The following GCNT3 variants were observed in gnomAD, a reference collection of about 807,000 sequenced individuals.
GCNT3 encodes the protein glucosaminyl (N-acetyl) transferase 3, mucin type, also known as beta-1,3-galactosyl-O-glycosyl-glycoprotein beta-1,6-N-acetylglucosaminyltransferase 3.
For synonymous variants in GCNT3, 269 were observed against 195.2 expected (o/e 1.38, Z -3.15); for missense variants, 708 against 530.3 (o/e 1.34, Z -3.29).
chr15:59,617,900 C>T (rs1227076189), intron 2 of GCNT3: 2 of 182,972 alleles, frequency 1.1e-5, no homozygotes, highest in East Asian at 1.5e-4. Flanking sequence ...TGGGTGGGGA[C>T]GTGCTCTTAC....
At position 59,619,300 on chromosome 15, in the gene GCNT3, C is replaced by G. The variant is rs1453121402; in HGVS notation, c.1062C>G (p.Ile354Met). 1.2e-6 allele frequency: 2 copies of G among 1,614,014 alleles called. No homozygotes were observed. The highest frequency in any genetic ancestry group is 1.3e-5 in the African/African-American group (1 of 74,914). Residue 354 changes from isoleucine (I) to methionine (M), a missense_variant, in exon 3 of 3, where the codon ATC becomes ATG. By Grantham distance (10) the Ile-to-Met change is conservative. Coordinates refer to ENST00000396065, the MANE Select transcript of GCNT3 (RefSeq NM_004751.3). ...GSVPNHPKYDISDMTSIARLV... is the reference protein window; with the variant it reads ...GSVPNHPKYDMSDMTSIARLV... ...TTCCCAACCACCCCAAGTACGACAT[C>G]TCAGACATGACTTCTATTGCCAGGC... is the stretch of plus-strand genomic sequence containing the variant.
chr15:59,615,403 A>T (rs922308677), intron 1 of GCNT3, among the ~76,000 whole-genome samples: 11 of 152,148 alleles, frequency 7.2e-5, no homozygotes, highest in Admixed American at 4.6e-4. Flanking sequence ...CTTCAGAGCC[A>T]TGAGTTTCAG....
intron 1 of GCNT3, among the ~76,000 whole-genome samples, chr15:59,613,536 A>G (rs1387563623): frequency 4.3e-4 from 2 of 4,652 alleles, no homozygotes; most frequent in South Asian, 0.013. Context: ...CATCTCTACA[A>G]TAAATAAATA....
rs760656887 is a variant in GCNT3, at chr15:59,618,427, A to C, written c.189A>C (p.Pro63=). The change falls in exon 3 of 3, where the codon CCA becomes CCC. Residue 63 remains proline, a synonymous_variant. Coordinates refer to ENST00000396065, the MANE Select transcript of GCNT3 (RefSeq NM_004751.3). ...RNILYNFLKL[P]AKRSINCSGV... ...TCTTGTATAATTTCCTGAAACTTCC[A>C]GCAAAGAGGTCTATCAACTGTTCAG... 1.2e-6 allele frequency: 2 copies of C among 1,614,126 alleles called. No individual in the cohort carries two copies. The highest frequency in any genetic ancestry group is 3.3e-5 in the Admixed American group (2 of 60,020).
rs192166254 is a variant in GCNT3, at chr15:59,619,852, A to G, written c.*297A>G. The G allele has an allele frequency of 1.0e-4, 25 of 244,710 alleles. No individual in the cohort carries two copies. The highest frequency in any genetic ancestry group is 5.6e-4 in the African/African-American group (25 of 44,434). 15.2% of individuals were successfully genotyped at this position (244,710 alleles called of 1,614,324 possible). On this transcript the variant is annotated 3_prime_UTR_variant, in exon 3 of 3. Coordinates refer to ENST00000396065, the MANE Select transcript of GCNT3 (RefSeq NM_004751.3). ...GTGAAGGAGGGATATGTGGTAGAGC[A>G]CTTGATTTCAGTTGAATGCCTGCTG...
chr15:59,614,351 G>A (rs1019749771), intron 1 of GCNT3, among the ~76,000 whole-genome samples: 2 of 152,162 alleles, frequency 1.3e-5, no homozygotes, highest in Admixed American at 1.3e-4. Flanking sequence ...CCAACAGAGG[G>A]TTCTTGGATC....
intron 2 of GCNT3, 44 bp from the exon 3 acceptor site, chr15:59,618,135 G>T (rs2082728036): frequency 4.5e-6 from 3 of 668,776 alleles, no homozygotes; most frequent in South Asian, 4.6e-5. Flanking sequence ...TGATGTTTCT[G>T]GGAATGATTG....
intron 1 of GCNT3, among the ~76,000 whole-genome samples, chr15:59,613,641 G>C (rs550841009): frequency 1.3e-5 from 2 of 152,072 alleles, no homozygotes; most frequent in Non-Finnish European, 2.9e-5. Flanking sequence ...TAGGAGGATC[G>C]CTTGAGCCCA....
At chr15:59,613,569 TAA>T (rs2082706062) in intron 1 of GCNT3, among the ~76,000 whole-genome samples, 2 of 136,536 alleles carry the variant, frequency 1.5e-5, no homozygotes, top group South Asian at 2.8e-4. Context: ...AATAAATAAA[TAA>T]ATAAATAAAA....
At chr15:59,616,487 G>C (rs1191037768) in intron 1 of GCNT3, 1 of 152,238 alleles carries the variant, frequency 6.6e-6, no homozygotes, top group African/African-American at 2.4e-5. Flanking sequence ...AATAGTTGGT[G>C]ACACAGGTAC....
At chr15:59,616,656 G>A (rs978109245) in intron 1 of GCNT3, 36 bp from the exon 2 acceptor site, 7 of 152,222 alleles carry the variant, frequency 4.6e-5, no homozygotes, top group African/African-American at 1.7e-4. Flanking sequence ...GTCAAAAGGA[G>A]AGTGATGGAG....
Position 59,619,090 on chromosome 15 carries a change from T to TC in GCNT3, c.854dup (p.Pro286SerfsTer4). ...TACACCTAACCAACAAGAAGAAGGA[T>TC]CCTCCCCCTTATAATTTAACTATGT... is the stretch of plus-strand genomic sequence containing the variant. On this transcript the variant is annotated frameshift_variant, in exon 3 of 3. Transcript: ENST00000396065. LOFTEE classifies it low-confidence loss of function (END_TRUNC). The TC allele has an allele frequency of 6.2e-7, 1 of 1,613,940 alleles. No homozygotes were observed.
chr15:59,612,752 C>A (rs1386809448), intron 1 of GCNT3, among the ~76,000 whole-genome samples: 4 of 152,138 alleles, frequency 2.6e-5, no homozygotes, highest in Admixed American at 2.6e-4. Flanking sequence ...CAGGTTGCCT[C>A]ACCCCCGATC....
chr15:59,621,402 T>A lies in GCNT3; in HGVS notation c.*1847T>A, dbSNP rs554524474. On this transcript the variant is annotated 3_prime_UTR_variant, in exon 3 of 3. Coordinates refer to ENST00000396065, the MANE Select transcript of GCNT3 (RefSeq NM_004751.3). Reference sequence around the variant, plus strand: ...CCAGAGATGGTTGTTGGCTAAGTTATACTCTTCTGTGATGGGCAAGGGATA... The same window carrying A: ...CCAGAGATGGTTGTTGGCTAAGTTAAACTCTTCTGTGATGGGCAAGGGATA... 1 of 151,972 alleles carries A rather than the reference T, an allele frequency of 6.6e-6. No homozygotes were observed. The highest frequency in any genetic ancestry group is 1.5e-5 in the Non-Finnish European group (1 of 67,994). The allele number at this position is 151,972 out of a possible 1,614,324, so 9.4% of individuals were successfully genotyped here.
chr15:59,613,107 G>T (rs1226638967), intron 1 of GCNT3, among the ~76,000 whole-genome samples: 1 of 151,986 alleles, frequency 6.6e-6, no homozygotes, highest in Non-Finnish European at 1.5e-5. Context: ...TCCTTCATAT[G>T]TATCTTGTTT....
Position 59,619,069 on chromosome 15 carries a change from C to A in GCNT3, c.831C>A (p.His277Gln), listed in dbSNP as rs1355871262. The stretch of plus-strand genomic sequence containing the variant: ...TTGAGGTAGTGAGAGACACATTACA[C>A]CTAACCAACAAGAAGAAGGATCCTC... ...YHFEVVRDTL[H>Q]LTNKKKDPPP... is the part of the protein sequence containing the mutation. The change falls in exon 3 of 3, where the codon CAC becomes CAA. Residue 277 changes from histidine to glutamine, a missense_variant. His to Gln is a conservative substitution (Grantham distance 24). Coordinates refer to ENST00000396065, the MANE Select transcript of GCNT3 (RefSeq NM_004751.3). 6.8e-6 allele frequency: 11 copies of A among 1,613,876 alleles called. No homozygotes were observed. The highest frequency in any genetic ancestry group is 8.5e-6 in the Non-Finnish European group (10 of 1,179,892).
intron 1 of GCNT3, among the ~76,000 whole-genome samples, chr15:59,613,869 T>A (rs1175523262): frequency 6.6e-6 from 1 of 152,008 alleles, no homozygotes; most frequent in Non-Finnish European, 1.5e-5. Flanking sequence ...TAATAAAAAT[T>A]AGCTGGGCAT....
At chr15:59,614,862 C>G (rs1454439810) in intron 1 of GCNT3, among the ~76,000 whole-genome samples, 1 of 152,200 alleles carries the variant, frequency 6.6e-6, no homozygotes, top group Non-Finnish European at 1.5e-5. Flanking sequence ...GCACCTCTGA[C>G]AACCCTACAT....
chr15:59,618,633 C>G lies in GCNT3; in HGVS notation c.395C>G (p.Pro132Arg). ...CTGAGCAAAGAAGAGGTGGAGTTCC[C>G]TATTGCATACTCTATGGTGATTCAT... ...FPLSKEEVEFPIAYSMVIHEK... is the reference protein window; with the variant it reads ...FPLSKEEVEFRIAYSMVIHEK... Residue 132 changes from proline (P) to arginine (R), a missense_variant, in exon 3 of 3, where the codon CCT becomes CGT. Coordinates refer to ENST00000396065, the MANE Select transcript of GCNT3 (RefSeq NM_004751.3). The G allele has an allele frequency of 1.2e-6, 2 of 1,614,096 alleles. No individual in the cohort carries two copies. The highest frequency in any genetic ancestry group is 1.7e-6 in the Non-Finnish European group (2 of 1,180,004).
Sources: allele counts gnomAD v4.1 joint callset (sites outside exome capture counted in the v4.1 genomes callset), GRCh38; gene constraint gnomAD v4.1.1; transcripts MANE v1.5; gene names NCBI Gene and HGNC (gene_info 2026-07-23, HGNC 2026-07-21).